The following KLHDC1 variants were observed in gnomAD, a reference collection of about 807,000 sequenced individuals.
KLHDC1 encodes the protein kelch domain containing 1, also known as kelch domain-containing protein 1.
In KLHDC1, 53 loss-of-function variants were observed where a neutral mutation model predicts 68.3. That is an observed-to-expected ratio of 0.78 (90% CI 0.62 to 0.98). KLHDC1 has a LOEUF of 0.98. Ranked by LOEUF, KLHDC1 falls within the 50% of genes least tolerant of loss-of-function variation. The probability of loss-of-function intolerance (pLI) is 0.00; values close to 1 mark genes in which losing one functional copy is unlikely to be tolerated. For missense variants in KLHDC1, 470 were observed against 492.3 expected (o/e 0.95, Z 0.43); for synonymous variants, 148 against 159.0 (o/e 0.93, Z 0.52).
chr14:49,730,818 C>CA (rs1027131165), intron 8 of KLHDC1, among the ~76,000 whole-genome samples: 1 of 148,218 alleles, frequency 6.7e-6, no homozygotes, highest in Non-Finnish European at 1.5e-5. Flanking sequence ...ACTAAAAATA[C>CA]AAAAAAAGCA....
rs1555337323 is a variant in KLHDC1 at position 49,693,748 on chromosome 14, C to CTTTTTCTT, written c.96+463_96+464insCTTTTTTT. Among the ~76,000 whole-genome samples, 3 of 61,560 alleles carry CTTTTTCTT rather than the reference C, an allele frequency of 4.9e-5. No homozygotes were observed. The Admixed American group carries it at 4.9e-4, about 10-fold the overall frequency. The allele number at this position is 61,560 out of a possible 152,430, so 40.4% of individuals were successfully genotyped here. On this transcript the variant is annotated intron_variant, in intron 1 of 12. Transcript: ENST00000359332. ...TAAATATTTATTTTCTTTTCTTTTTCTTTTTTTTTTTTTTTTGAGATGGAG... is the reference window on the plus strand; with the variant it reads ...TAAATATTTATTTTCTTTTCTTTTTCTTTTTCTTTTTTTTTTTTTTTTTTGAGATGGAG...
intron 11 of KLHDC1, among the ~76,000 whole-genome samples, chr14:49,743,144 CACA>C (rs1415886051): frequency 6.9e-6 from 1 of 145,936 alleles, no homozygotes; most frequent in Non-Finnish European, 1.5e-5. Flanking sequence ...CGCCTGTAAT[CACA>C]ACACTTTGGG....
At chr14:49,700,713 T>C (rs1312409048) in intron 1 of KLHDC1, among the ~76,000 whole-genome samples, 1 of 152,202 alleles carries the variant, frequency 6.6e-6, no homozygotes, top group Non-Finnish European at 1.5e-5. Context: ...GTGTCAGATA[T>C]TAAAACATGT....
At position 49,710,343 on chromosome 14, in the gene KLHDC1, A is replaced by G. The variant is rs745722229; in HGVS notation, c.366A>G (p.Thr122=). 6.2e-7 allele frequency: 1 copy of G among 1,610,250 alleles called. No individual in the cohort carries two copies. The highest frequency in any genetic ancestry group is 8.5e-7 in the Non-Finnish European group (1 of 1,176,710). The change falls in exon 4 of 13, where the codon ACA becomes ACG. Residue 122 remains threonine (T), a synonymous_variant. Coordinates refer to ENST00000359332, the MANE Select transcript of KLHDC1 (RefSeq NM_172193.3). ...CCGACTTTGAAGGGCAACCACCTAC[A>G]CCACGTGATAAACTTTCCTGCTGGG... ...KITDFEGQPP[T]PRDKLSCWVY...
At chr14:49,718,077 G>A (rs998848231) in intron 4 of KLHDC1, among the ~76,000 whole-genome samples, 3 of 151,940 alleles carry the variant, frequency 2.0e-5, no homozygotes, top group Admixed American at 1.3e-4. Context: ...TGTAGGGATA[G>A]GGTCTCATTA....
intron 1 of KLHDC1, among the ~76,000 whole-genome samples, chr14:49,701,674 A>C (rs1018405914): frequency 3.3e-5 from 5 of 152,080 alleles, no homozygotes; most frequent in East Asian, 1.9e-4. Context: ...AAACAAAAAC[A>C]AAAAAATACC....
intron 4 of KLHDC1, among the ~76,000 whole-genome samples, chr14:49,718,837 G>A (rs1354935688): frequency 7.9e-6 from 1 of 127,188 alleles, no homozygotes; most frequent in Non-Finnish European, 1.6e-5. Context: ...CCAGGTTGGA[G>A]TGCAGTGGCG....
intron 9 of KLHDC1, among the ~76,000 whole-genome samples, chr14:49,734,200 G>T (rs1430075071): frequency 6.6e-6 from 1 of 152,094 alleles, no homozygotes; most frequent in East Asian, 1.9e-4. Context: ...GATATTAGAT[G>T]ATCCCAAGAC....
At chr14:49,727,584 T>C (rs1888703904) in intron 6 of KLHDC1, among the ~76,000 whole-genome samples, 2 of 152,210 alleles carry the variant, frequency 1.3e-5, no homozygotes. Context: ...GGATTCTCTT[T>C]TTCCAGGCAA....
At chr14:49,698,596 A>G (rs377717108) in intron 1 of KLHDC1, among the ~76,000 whole-genome samples, 1 of 150,372 alleles carries the variant, frequency 6.7e-6, no homozygotes, top group Non-Finnish European at 1.5e-5. Flanking sequence ...GCTCACTGCA[A>G]CCTCTGCCTC....
At chr14:49,703,074 AATAT>A (rs144749547) in intron 1 of KLHDC1, among the ~76,000 whole-genome samples, 20,142 of 152,054 alleles carry the variant, frequency 0.13, 1,648 homozygotes, top group Non-Finnish European at 0.19. Context: ...TTGAATTTGA[AATAT>A]ATATACAATA....
At chr14:49,721,061 G>GT (rs775432981) in intron 4 of KLHDC1, among the ~76,000 whole-genome samples, 49 of 151,992 alleles carry the variant, frequency 3.2e-4, no homozygotes, top group Admixed American at 7.2e-4. Flanking sequence ...CCTCATCATA[G>GT]TTTTTTTAAA....
rs576466285 is a variant in KLHDC1 at position 49,726,975 on chromosome 14, T to G, written c.567+1206T>G. Among the ~76,000 whole-genome samples the G allele has an allele frequency of 3.3e-5, 5 of 152,280 alleles. No individual in the cohort carries two copies. In the East Asian group the frequency reaches 9.6e-4, roughly 29 times the overall value. ...AGTCTTAGAAAAGGGCTGGGCTTGC[T>G]GGCTCATGCCTGTAATCCTAGCACT... On this transcript the variant is annotated intron_variant, in intron 6 of 12. Transcript: ENST00000359332.
At chr14:49,746,530 T>G (rs1889203275) in intron 12 of KLHDC1, among the ~76,000 whole-genome samples, 1 of 152,216 alleles carries the variant, frequency 6.6e-6, no homozygotes, top group Non-Finnish European at 1.5e-5. Flanking sequence ...AAAGAGATCC[T>G]AGAACATTTG....
intron 4 of KLHDC1, among the ~76,000 whole-genome samples, chr14:49,713,048 C>A (rs1594658413): frequency 6.6e-6 from 1 of 150,390 alleles, no homozygotes. Flanking sequence ...CTCCCAGGTT[C>A]ACGCCATTCT....
Position 49,723,087 on chromosome 14 carries a change from CAAAAAAAAAAAA to C in KLHDC1, c.405-771_405-760del, listed in dbSNP as rs144318637. 1.1e-4 allele frequency among the ~76,000 whole-genome samples: 6 copies of C among 54,784 alleles called. No individual in the cohort carries two copies. In the East Asian group the frequency reaches 3.7e-3, roughly 34 times the overall value. The allele number at this position is 54,784 out of a possible 152,430, so 35.9% of individuals were successfully genotyped here. The stretch of plus-strand genomic sequence containing the variant: ...GGGCAACAAGAGTGAGACTCTGTCT[CAAAAAAAAAAAA>C]AAAAAAAAAAAAAAAGAAGAGAAAA... On this transcript the variant is annotated intron_variant, in intron 4 of 12. Coordinates refer to ENST00000359332, the MANE Select transcript of KLHDC1 (RefSeq NM_172193.3).
chr14:49,719,340 G>A (rs1888467907), intron 4 of KLHDC1, among the ~76,000 whole-genome samples: 1 of 151,362 alleles, frequency 6.6e-6, no homozygotes, highest in Non-Finnish European at 1.5e-5. Flanking sequence ...TCTAATTTCC[G>A]TTATGATTTC....
chr14:49,746,242 G>A (rs1312332492), intron 12 of KLHDC1, among the ~76,000 whole-genome samples: 1 of 152,194 alleles, frequency 6.6e-6, no homozygotes, highest in Non-Finnish European at 1.5e-5. Flanking sequence ...AACTGTAGTG[G>A]AGCTATCCAT....
At chr14:49,743,299 C>G (rs1806613163) in intron 11 of KLHDC1, among the ~76,000 whole-genome samples, 1 of 150,074 alleles carries the variant, frequency 6.7e-6, no homozygotes, top group South Asian at 2.1e-4. Context: ...ACTCAGGAGG[C>G]TGAGGCAAGA....
Sources: allele counts gnomAD v4.1 joint callset (sites outside exome capture counted in the v4.1 genomes callset), GRCh38; gene constraint gnomAD v4.1.1; transcripts MANE v1.5; gene names NCBI Gene and HGNC (gene_info 2026-07-23, HGNC 2026-07-21).